HDAC4: variants seen among roughly 807,000 people sequenced by gnomAD.
HDAC4 encodes histone deacetylase 4.
In HDAC4, 16 loss-of-function variants were observed where a neutral mutation model predicts 135.1. The ratio of observed to expected loss-of-function variants is 0.12; its 90% CI spans 0.08 to 0.18. The LOEUF (loss-of-function observed/expected upper bound fraction) is 0.18. Among genes scored for constraint, HDAC4 ranks in the 10% least tolerant of loss-of-function variants. HDAC4 has a pLI of 1.00. For synonymous variants in HDAC4, 685 were observed against 653.4 expected, an observed-to-expected ratio of 1.05 and a Z score of -0.74; for missense variants, 1,143 against 1,511.8, an observed-to-expected ratio of 0.76 and a Z score of 4.05.
At chr2:239,211,546 C>A (rs980236444) in intron 3 of HDAC4, among the ~76,000 whole-genome samples, 1 of 152,190 alleles carries the variant, frequency 6.6e-6, no homozygotes, top group African/African-American at 2.4e-5. Flanking sequence ...ATTGCCATTC[C>A]GTTAGTTTCT....
At position 239,139,876 on chromosome 2, in the gene HDAC4, T is replaced by G; in HGVS notation, c.866-80A>C. On this transcript the variant is annotated intron_variant, in intron 8 of 26. Transcript: ENST00000543185. This position sits in a 1 kb window ranked among gnomAD's most constrained non-coding sequence, Gnocchi z 5.3. ...GCTGACCTGTGGCCCGAATGCCCGGTGCCTTCCACGGACCTGCTCGTTAGC... is the reference window on the plus strand; with the variant it reads ...GCTGACCTGTGGCCCGAATGCCCGGGGCCTTCCACGGACCTGCTCGTTAGC... 1 of 1,172,844 alleles carries G rather than the reference T, an allele frequency of 8.5e-7. No homozygotes were observed. Among genetic ancestry groups the G allele is most frequent in the Non-Finnish European group, 1.3e-6 (1 of 785,598 alleles). 72.7% of individuals were successfully genotyped at this position (1,172,844 alleles called of 1,614,324 possible). A position where few individuals can be genotyped will look rare whatever the true frequency, so the allele number is the denominator to read the frequency against.
intron 3 of HDAC4, among the ~76,000 whole-genome samples, chr2:239,215,439 A>G (rs536617008): frequency 1.1e-3 from 168 of 152,210 alleles, no homozygotes; most frequent in African/African-American, 4.0e-3. Flanking sequence ...CCTGCAGGCC[A>G]AAGTGCCCTC....
At chr2:239,203,878 C>T (rs933218017) in intron 3 of HDAC4, among the ~76,000 whole-genome samples, 13 of 152,194 alleles carry the variant, frequency 8.5e-5, no homozygotes, top group South Asian at 2.1e-4. Context: ...GAAACACTCC[C>T]GCTTCATAAG....
At chr2:239,125,991 G>A (rs953939112) in intron 12 of HDAC4, among the ~76,000 whole-genome samples, 6 of 152,246 alleles carry the variant, frequency 3.9e-5, no homozygotes, top group African/African-American at 7.2e-5. Flanking sequence ...TGCAAGTGCC[G>A]GATGGCCTGG....
chr2:239,140,877 C>T (rs997518755), intron 8 of HDAC4: 19 of 445,312 alleles, frequency 4.3e-5, no homozygotes, highest in Admixed American at 1.2e-4. Flanking sequence ...TGCTGACTCA[C>T]GTGGTATCCA....
chr2:239,300,455 A>C (rs2052185059), intron 2 of HDAC4, among the ~76,000 whole-genome samples: 1 of 152,224 alleles, frequency 6.6e-6, no homozygotes, highest in Non-Finnish European at 1.5e-5. Context: ...GGCTGCCCCG[A>C]TGGGCATTGC....
At chr2:239,386,097 T>C (rs1288430362) in intron 1 of HDAC4, among the ~76,000 whole-genome samples, 4 of 150,858 alleles carry the variant, frequency 2.7e-5, no homozygotes, top group Admixed American at 2.6e-4. Flanking sequence ...CTCTAGACAA[T>C]GATGAGCCAC....
At chr2:239,065,468 G>T (rs572784580) in intron 24 of HDAC4, among the ~76,000 whole-genome samples, 1 of 152,326 alleles carries the variant, frequency 6.6e-6, no homozygotes, top group South Asian at 2.1e-4. Context: ...CTGAAAATGA[G>T]GATGCTGCTT....
intron 12 of HDAC4, among the ~76,000 whole-genome samples, chr2:239,117,963 T>C (rs1264117700): frequency 2.6e-5 from 4 of 152,156 alleles, no homozygotes; most frequent in Admixed American, 2.0e-4. Context: ...TGCATGCTGC[T>C]CCACACTCAC....
At chr2:239,365,691 G>A (rs1694147568) in intron 1 of HDAC4, among the ~76,000 whole-genome samples, 1 of 152,212 alleles carries the variant, frequency 6.6e-6, no homozygotes, top group Non-Finnish European at 1.5e-5. Context: ...TCATGCGTGT[G>A]GCACCAGGGG....
chr2:239,192,229 C>T (rs543766344), intron 3 of HDAC4, among the ~76,000 whole-genome samples: 58 of 110,040 alleles, frequency 5.3e-4, no homozygotes, highest in Non-Finnish European at 6.8e-4. Context: ...CAGGGGTCCA[C>T]CCACCCCCCA....
chr2:239,309,051 T>C lies in HDAC4; in HGVS notation c.22+43627A>G, dbSNP rs1485239965. ...CACAGAAAATCCCTTACAAGTTTCTTAAAAAAGAGTTAATCGTACTGACTT... is the reference window on the plus strand; with the variant it reads ...CACAGAAAATCCCTTACAAGTTTCTCAAAAAAGAGTTAATCGTACTGACTT... On this transcript the variant is annotated intron_variant, in intron 2 of 26. Transcript: ENST00000543185. The surrounding 1 kb of genome is among the most constrained non-coding windows in gnomAD (Gnocchi z 4.2). 2 of 152,056 alleles carry C rather than the reference T, an allele frequency of 1.3e-5. No individual in the cohort carries two copies. Among genetic ancestry groups the C allele is most frequent in the Non-Finnish European group, 2.9e-5 (2 of 68,012 alleles). The allele number at this position is 152,056 out of a possible 1,614,324, so 9.4% of individuals were successfully genotyped here. A position where few individuals can be genotyped will look rare whatever the true frequency, so the allele number is the denominator to read the frequency against.
chr2:239,156,852 C>T (rs1467881747), intron 6 of HDAC4, 79 bp from the exon 7 acceptor site: 33 of 1,561,190 alleles, frequency 2.1e-5, no homozygotes, highest in Admixed American at 3.4e-5. Flanking sequence ...AAGCCACACA[C>T]GATGATCTTT....
rs375324432 is a variant in HDAC4 at position 239,236,616 on chromosome 2, C to A, written c.71G>T (p.Arg24Leu). The A allele has an allele frequency of 1.3e-6, 2 of 1,551,764 alleles. No individual in the cohort carries two copies. Among genetic ancestry groups the A allele is most frequent in the Admixed American group, 2.0e-5 (1 of 51,014 alleles). Reference sequence around the variant, plus strand: ...ACCCGTGCTGGGCATGTGGTTCACGCGGGCAGGATTCAGCAGCTCCACTGG... The same window carrying A: ...ACCCGTGCTGGGCATGTGGTTCACGAGGGCAGGATTCAGCAGCTCCACTGG... The part of the protein sequence containing the change: ...DQPVELLNPA[R>L]VNHMPSTVDV... The change falls in exon 3 of 27, where the codon CGC becomes CTC. Residue 24 changes from arginine (R) to leucine (L), a missense_variant. Around this residue, in one of 9 missense-constraint regions of HDAC4, gnomAD observed 247 missense variants for 310.0 expected, o/e 0.80. Transcript: ENST00000543185.
intron 2 of HDAC4, among the ~76,000 whole-genome samples, chr2:239,345,032 A>C (rs1692522957): frequency 6.6e-6 from 1 of 152,110 alleles, no homozygotes; most frequent in Non-Finnish European, 1.5e-5. Flanking sequence ...GACTCCTGCC[A>C]GCTGGCTGCA....
intron 14 of HDAC4, among the ~76,000 whole-genome samples, chr2:239,109,433 G>A (rs1389348214): frequency 5.9e-5 from 9 of 152,198 alleles, no homozygotes; most frequent in Non-Finnish European, 1.5e-5. Flanking sequence ...AAGGGGAGCT[G>A]AGATTCAAGG....
intron 7 of HDAC4, among the ~76,000 whole-genome samples, chr2:239,149,931 C>CAGAAACACAGG (rs2042006365): frequency 6.6e-6 from 1 of 152,188 alleles, no homozygotes; most frequent in African/African-American, 2.4e-5. Flanking sequence ...AATATACATA[C>CAGAAACACAGG]TCTGAACCAG....
chr2:239,209,992 G>T (rs2046274048), intron 3 of HDAC4, among the ~76,000 whole-genome samples: 1 of 152,180 alleles, frequency 6.6e-6, no homozygotes, highest in Non-Finnish European at 1.5e-5. Flanking sequence ...GCGGGGGCGT[G>T]GGAGCAGCAG....
intron 1 of HDAC4, among the ~76,000 whole-genome samples, chr2:239,357,309 G>C (rs1026546608): frequency 6.6e-6 from 1 of 151,990 alleles, no homozygotes; most frequent in African/African-American, 2.4e-5. Flanking sequence ...ATTTTGAAAC[G>C]AATGAAAATA....
Sources: gnomAD v4.1 joint callset for allele counts (sites outside exome capture counted in the v4.1 genomes callset) on GRCh38, gnomAD v4.1.1 for gene constraint, gnomAD v4.1.1 regional missense constraint, Gnocchi (gnomAD v3.1) non-coding constraint, MANE v1.5 for transcripts, NCBI Gene and HGNC (gene_info 2026-07-23, HGNC 2026-07-21) for gene names.